The following TIAM1 variants were observed in gnomAD, a reference collection of about 807,000 sequenced individuals.
TIAM1 encodes rho guanine nucleotide exchange factor TIAM1.
In TIAM1, 65 loss-of-function variants were observed where a neutral mutation model predicts 163.5. The ratio of observed to expected loss-of-function variants is 0.40; its 90% CI spans 0.33 to 0.49. TIAM1 has a LOEUF of 0.49. Ranked by LOEUF, TIAM1 falls within the 20% of genes least tolerant of loss-of-function variation. The probability of loss-of-function intolerance (pLI) is 0.77; values close to 1 mark genes in which losing one functional copy is unlikely to be tolerated. For missense variants in TIAM1, 1,789 were observed against 2,044.7 expected, an observed-to-expected ratio of 0.87 and a Z score of 2.41; for synonymous variants, 833 against 810.1, an observed-to-expected ratio of 1.03 and a Z score of -0.48.
At chr21:31,337,858 C>G (rs2075895173) in intron 2 of TIAM1, among the ~76,000 whole-genome samples, 1 of 151,972 alleles carries the variant, frequency 6.6e-6, no homozygotes, top group Non-Finnish European at 1.5e-5. Flanking sequence ...TATTTTTACC[C>G]CTTGAAAAAG....
rs1254745568 is a variant in TIAM1 at position 31,213,480 on chromosome 21, T to C, written c.2143-8A>G. The C allele has an allele frequency of 6.2e-7, 1 of 1,613,514 alleles. No homozygotes were observed. On this transcript the variant is annotated splice_region_variant and splice_polypyrimidine_tract_variant and intron_variant, in intron 9 of 27. Coordinates refer to ENST00000541036, the MANE Select transcript of TIAM1 (RefSeq NM_001353694.2). ...GGTTCCCTCTCCAAACACCTGCATATACAAAAGTACCACCTTAAAAAGGAA... is the reference window on the plus strand; with the variant it reads ...GGTTCCCTCTCCAAACACCTGCATACACAAAAGTACCACCTTAAAAAGGAA...
At chr21:31,328,942 A>T (rs2075585085) in intron 2 of TIAM1, among the ~76,000 whole-genome samples, 1 of 152,164 alleles carries the variant, frequency 6.6e-6, no homozygotes, top group Admixed American at 6.6e-5. Flanking sequence ...TACCATACCC[A>T]GCCCAGACAT....
At chr21:31,438,815 T>C (rs1032525044) in intron 2 of TIAM1, among the ~76,000 whole-genome samples, 1 of 152,178 alleles carries the variant, frequency 6.6e-6, no homozygotes, top group African/African-American at 2.4e-5. Context: ...GCAGCATCCC[T>C]GGCCTCCATC....
intron 15 of TIAM1, among the ~76,000 whole-genome samples, chr21:31,179,753 C>CA (rs2084927771): frequency 6.6e-6 from 1 of 152,028 alleles, no homozygotes; most frequent in Non-Finnish European, 1.5e-5. Context: ...CAGAAATACT[C>CA]AGATATTTCT....
chr21:31,510,888 ACATAT>A (rs1167946888), intron 1 of TIAM1, among the ~76,000 whole-genome samples: 4 of 152,156 alleles, frequency 2.6e-5, no homozygotes, highest in African/African-American at 9.7e-5. Context: ...TAAGATGAGG[ACATAT>A]TGGAGTAGGG....
chr21:31,379,821 A>G (rs1199381952), intron 2 of TIAM1, among the ~76,000 whole-genome samples: 2 of 152,248 alleles, frequency 1.3e-5, no homozygotes, highest in East Asian at 3.8e-4. Context: ...CCAGAACAGG[A>G]AATCTATGGA....
At chr21:31,518,476 G>A (rs552120828) in intron 1 of TIAM1, among the ~76,000 whole-genome samples, 5 of 152,036 alleles carry the variant, frequency 3.3e-5, no homozygotes, top group South Asian at 2.1e-4. Flanking sequence ...TAGTAGACAC[G>A]GGATTTCTCC....
At position 31,490,877 on chromosome 21, in the gene TIAM1, A is replaced by C. The variant is rs1180029452; in HGVS notation, c.-421-26842T>G. 2.0e-5 allele frequency among the ~76,000 whole-genome samples: 3 copies of C among 152,230 alleles called. No homozygotes were observed. The East Asian group carries it at 5.8e-4, about 29-fold the overall frequency. On this transcript the variant is annotated intron_variant, in intron 1 of 28. Transcript: ENST00000286827. ...CGTGGTGGCTCACGCCTGTAATCCC[A>C]GCACTTTGGGAGGCCAAGGTGGGCG...
chr21:31,270,344 C>T (rs2073002002), intron 3 of TIAM1, among the ~76,000 whole-genome samples: 1 of 152,076 alleles, frequency 6.6e-6, no homozygotes, highest in Non-Finnish European at 1.5e-5. Context: ...GGAGGACAGG[C>T]TGAAATGCAA....
intron 1 of TIAM1, among the ~76,000 whole-genome samples, chr21:31,514,533 A>G (rs2047316215): frequency 1.3e-5 from 2 of 151,710 alleles, no homozygotes; most frequent in Admixed American, 1.3e-4. Context: ...CAAAAAAAAA[A>G]AAAAAATAGC....
intron 1 of TIAM1, among the ~76,000 whole-genome samples, chr21:31,465,728 G>A (rs1044448601): frequency 3.3e-5 from 5 of 152,280 alleles, no homozygotes; most frequent in Non-Finnish European, 7.4e-5. Flanking sequence ...CCGCCACCAT[G>A]CCCAGCGAAT....
chr21:31,126,384 T>C (rs2082200400), intron 26 of TIAM1, among the ~76,000 whole-genome samples: 1 of 151,992 alleles, frequency 6.6e-6, no homozygotes, highest in African/African-American at 2.4e-5. Flanking sequence ...CTGGCTAACA[T>C]GGTGAAACCC....
At chr21:31,218,242 T>A (rs887101652) in intron 8 of TIAM1, among the ~76,000 whole-genome samples, 1 of 152,204 alleles carries the variant, frequency 6.6e-6, no homozygotes, top group Non-Finnish European at 1.5e-5. Flanking sequence ...TGGCCCCCAA[T>A]ATCCATTCTC....
At chr21:31,432,868 G>A (rs971531694) in intron 2 of TIAM1, among the ~76,000 whole-genome samples, 3 of 152,128 alleles carry the variant, frequency 2.0e-5, no homozygotes, top group Admixed American at 6.5e-5. Context: ...GGTCGCTCCC[G>A]TCAAAGGGGA....
At chr21:31,511,129 C>G (rs745327370) in intron 1 of TIAM1, among the ~76,000 whole-genome samples, 3 of 152,186 alleles carry the variant, frequency 2.0e-5, no homozygotes, top group African/African-American at 4.8e-5. Context: ...ATGCCGCGGG[C>G]ACCCTGAGTC....
intron 2 of TIAM1, among the ~76,000 whole-genome samples, chr21:31,390,916 T>C (rs186945693): frequency 6.6e-6 from 1 of 152,214 alleles, no homozygotes; most frequent in African/African-American, 2.4e-5. Flanking sequence ...TATTCAAAGA[T>C]TCGTAGTAGG....
At chr21:31,243,192 C>CA (rs60242603) in intron 6 of TIAM1, among the ~76,000 whole-genome samples, 49 of 100,896 alleles carry the variant, frequency 4.9e-4, no homozygotes, top group East Asian at 1.6e-3. Flanking sequence ...AACTTCATCT[C>CA]AAAAAAAAAA....
intron 1 of TIAM1, among the ~76,000 whole-genome samples, chr21:31,558,756 T>C (rs932545626): frequency 3.3e-5 from 5 of 151,724 alleles, no homozygotes; most frequent in Non-Finnish European, 2.9e-5. Context: ...ACGAAAACAA[T>C]ACGTGGAAAG....
chr21:31,220,622 G>A (rs2087503914), intron 8 of TIAM1, among the ~76,000 whole-genome samples: 1 of 152,216 alleles, frequency 6.6e-6, no homozygotes. Context: ...AGTTTAGTCT[G>A]TTTAACAAAC....
Sources: gnomAD v4.1 joint callset for allele counts (sites outside exome capture counted in the v4.1 genomes callset) on GRCh38, gnomAD v4.1.1 for gene constraint, MANE v1.5 for transcripts, NCBI Gene and HGNC (gene_info 2026-07-23, HGNC 2026-07-21) for gene names.